ADAMTS20: variants seen among roughly 807,000 people sequenced by gnomAD.
ADAMTS20 encodes ADAM metallopeptidase with thrombospondin type 1 motif 20.
A neutral mutation model predicts 260.1 loss-of-function variants in ADAMTS20; 225 were observed. The observed-to-expected ratio is 0.87, with a 90% confidence interval of 0.78 to 0.97. The LOEUF (loss-of-function observed/expected upper bound fraction) is 0.97, where lower values mean the gene tolerates loss of function less well. ADAMTS20 is among the 50% of genes least tolerant of loss of function. The pLI is 0.00. For synonymous variants in ADAMTS20, 802 were observed against 769.5 expected (o/e 1.04, Z -0.70); for missense variants, 2,400 against 2,337.7 (o/e 1.03, Z -0.55).
intron 27 of ADAMTS20, 21 bp from the exon 28 acceptor site, chr12:43,425,711 A>G: frequency 6.5e-7 from 1 of 1,537,660 alleles, no homozygotes; most frequent in Non-Finnish European, 8.8e-7. Context: ...GAATAGGAAA[A>G]TTCAAAACTG....
chr12:43,396,042 C>T (rs539086717), intron 29 of ADAMTS20, among the ~76,000 whole-genome samples: 25 of 151,998 alleles, frequency 1.6e-4, no homozygotes, highest in Admixed American at 1.5e-3. Flanking sequence ...CCCCTCGCTT[C>T]CAGGAAGTGG....
At chr12:43,453,283 G>A (rs1411713940) in intron 12 of ADAMTS20, among the ~76,000 whole-genome samples, 1 of 152,112 alleles carries the variant, frequency 6.6e-6, no homozygotes, top group Non-Finnish European at 1.5e-5. Flanking sequence ...CATTAAAAAT[G>A]CTTATTAATA....
At chr12:43,457,295 C>T (rs1941981328) in intron 11 of ADAMTS20, among the ~76,000 whole-genome samples, 1 of 151,986 alleles carries the variant, frequency 6.6e-6, no homozygotes, top group Non-Finnish European at 1.5e-5. Context: ...TCCAGGCTCA[C>T]ATCTAGTTTT....
chr12:43,551,844 G>C lies in ADAMTS20; in HGVS notation c.78C>G (p.Phe26Leu). The change falls in exon 1 of 39, where the codon TTC (phenylalanine) becomes TTG (leucine). Residue 26 changes from phenylalanine (F) to leucine (L), a missense_variant. Phe to Leu is a conservative substitution (Grantham distance 22, BLOSUM62 0). Transcript: ENST00000389420. The surrounding 1 kb of genome is among the most constrained non-coding windows in gnomAD (Gnocchi z 4.6). ...LFITRSWEVD[F>L]HPRQEALVRT... ...CGGTGACTTTACCTTGCCTGGGGTG[G>C]AAGTCAACTTCCCAAGACCTGGTGA... 6.2e-7 allele frequency: 1 copy of C among 1,613,620 alleles called. No individual in the cohort carries two copies. Among genetic ancestry groups the C allele is most frequent in the Non-Finnish European group, 8.5e-7 (1 of 1,179,728 alleles).
intron 4 of ADAMTS20, among the ~76,000 whole-genome samples, chr12:43,497,673 C>T (rs1428773275): frequency 6.6e-6 from 1 of 151,996 alleles, no homozygotes; most frequent in Admixed American, 6.5e-5. Context: ...AAATCTTCCC[C>T]ATCCTAATAA....
chr12:43,480,802 G>C (rs1942429497), intron 7 of ADAMTS20, among the ~76,000 whole-genome samples: 1 of 152,144 alleles, frequency 6.6e-6, no homozygotes. Context: ...CATGCTGAGG[G>C]AGTGTGGGCA....
intron 6 of ADAMTS20, among the ~76,000 whole-genome samples, chr12:43,491,255 A>G (rs1225714171): frequency 6.6e-6 from 1 of 152,174 alleles, no homozygotes; most frequent in Non-Finnish European, 1.5e-5. Flanking sequence ...ACAGGTTTGT[A>G]GCCTAGGGCC....
At chr12:43,460,885 G>A (rs76841071) in intron 11 of ADAMTS20, among the ~76,000 whole-genome samples, 13,283 of 140,592 alleles carry the variant, frequency 0.094, 723 homozygotes, top group Middle Eastern at 0.12. Flanking sequence ...AGAAAAAAAC[G>A]AATCTCTGGA....
Position 43,436,094 on chromosome 12 carries a change from G to GA in ADAMTS20, c.2594-1724dup, listed in dbSNP as rs370692444. The stretch of plus-strand genomic sequence containing the variant: ...ACGTAAAAGAAGAAAAAAAGGAAAA[G>GA]AAAAAAAACAGCAAGGAAATGAAAT... On this transcript the variant is annotated intron_variant, in intron 18 of 38. Coordinates refer to ENST00000389420, the MANE Select transcript of ADAMTS20 (RefSeq NM_025003.5). Among the ~76,000 whole-genome samples the GA allele has an allele frequency of 3.3e-3, 494 of 151,368 alleles. 4 individuals are homozygous for GA. The highest frequency in any genetic ancestry group is 0.011 in the African/African-American group (463 of 41,270).
At chr12:43,414,604 A>G (rs1941094745) in intron 28 of ADAMTS20, among the ~76,000 whole-genome samples, 1 of 152,156 alleles carries the variant, frequency 6.6e-6, no homozygotes, top group Admixed American at 6.5e-5. Context: ...TTTAGCCATC[A>G]GAGAAATGCA....
intron 14 of ADAMTS20, 113 bp from the exon 15 acceptor site, chr12:43,446,825 C>A: frequency 2.4e-6 from 2 of 821,444 alleles, no homozygotes; most frequent in Non-Finnish European, 4.0e-6. Flanking sequence ...ACTGACCCCA[C>A]AGAAATATAG....
At chr12:43,370,167 C>A (rs1300979425) in intron 36 of ADAMTS20, among the ~76,000 whole-genome samples, 2 of 152,150 alleles carry the variant, frequency 1.3e-5, no homozygotes, top group East Asian at 3.9e-4. Context: ...CCTTCAGAGG[C>A]AATTCCCAAA....
intron 2 of ADAMTS20, among the ~76,000 whole-genome samples, chr12:43,545,929 G>A (rs1284971643): frequency 6.6e-6 from 1 of 152,032 alleles, no homozygotes; most frequent in Admixed American, 6.6e-5. Flanking sequence ...ACACTAGAAT[G>A]TTAAAAGAAC....
intron 3 of ADAMTS20, among the ~76,000 whole-genome samples, chr12:43,525,610 T>C (rs1943130585): frequency 6.6e-6 from 1 of 152,112 alleles, no homozygotes; most frequent in Non-Finnish European, 1.5e-5. Context: ...ACAAACCAAA[T>C]ATCTACTGTC....
downstream of ADAMTS20, among the ~76,000 whole-genome samples, chr12:43,352,795 T>C (rs1438406763): frequency 6.6e-6 from 1 of 152,204 alleles, no homozygotes; most frequent in Non-Finnish European, 1.5e-5. Flanking sequence ...TATTTAAATG[T>C]TTATCAATTG....
At chr12:43,373,958 CGT>C (rs1376473680) in intron 36 of ADAMTS20, among the ~76,000 whole-genome samples, 7 of 151,688 alleles carry the variant, frequency 4.6e-5, no homozygotes, top group African/African-American at 1.7e-4. Flanking sequence ...GGATTACAGG[CGT>C]GAGTCACCGC....
At position 43,439,770 on chromosome 12, in the gene ADAMTS20, G is replaced by A. The variant is rs763934225; in HGVS notation, c.2464-19C>T. Reference sequence around the variant, plus strand: ...ACAACACCTCAATAAGAATATAAAAGAACATACAATTAATACATAAAAATA... The same window carrying A: ...ACAACACCTCAATAAGAATATAAAAAAACATACAATTAATACATAAAAATA... On this transcript the variant is annotated intron_variant, in intron 17 of 38. Coordinates refer to ENST00000389420, the MANE Select transcript of ADAMTS20 (RefSeq NM_025003.5). 4 of 1,595,102 alleles carry A rather than the reference G, an allele frequency of 2.5e-6. No individual in the cohort carries two copies. Among genetic ancestry groups the A allele is most frequent in the Non-Finnish European group, 3.4e-6 (4 of 1,171,144 alleles).
intron 2 of ADAMTS20, among the ~76,000 whole-genome samples, chr12:43,545,449 T>C (rs1943429950): frequency 6.6e-6 from 1 of 152,230 alleles, no homozygotes; most frequent in Non-Finnish European, 1.5e-5. Flanking sequence ...CAAAGTCCAG[T>C]TGAGAAGTCT....
intron 4 of ADAMTS20, among the ~76,000 whole-genome samples, chr12:43,495,151 C>A (rs550965408): frequency 3.9e-5 from 6 of 152,198 alleles, no homozygotes; most frequent in East Asian, 1.9e-4. Context: ...GATGCTGCAC[C>A]TTTATTTAAA....
Sources: gnomAD v4.1 joint callset for allele counts (sites outside exome capture counted in the v4.1 genomes callset) on GRCh38, gnomAD v4.1.1 for gene constraint, Gnocchi (gnomAD v3.1) non-coding constraint, MANE v1.5 for transcripts, NCBI Gene and HGNC (gene_info 2026-07-23, HGNC 2026-07-21) for gene names.